SMARCA5: variants seen among roughly 807,000 people sequenced by gnomAD.
SMARCA5 encodes the protein SNF2 related chromatin remodeling ATPase 5, also known as SWI/SNF-related matrix-associated actin-dependent regulator of chromatin subfamily A member 5.
Under a neutral mutation model 140.4 loss-of-function variants are expected in SMARCA5, and 18 were observed. That is an observed-to-expected ratio of 0.13 (90% CI 0.09 to 0.19). The LOEUF (loss-of-function observed/expected upper bound fraction) is 0.19. SMARCA5 is among the 10% of genes least tolerant of loss of function. SMARCA5 has a pLI of 1.00. For missense variants in SMARCA5, 606 were observed against 1,276.8 expected, an observed-to-expected ratio of 0.47 and a Z score of 8.01; for synonymous variants, 449 against 419.6, an observed-to-expected ratio of 1.07 and a Z score of -0.86.
At chr4:143,518,104 C>A (rs1486782538) in intron 2 of SMARCA5, among the ~76,000 whole-genome samples, 1 of 151,804 alleles carries the variant, frequency 6.6e-6, no homozygotes. Flanking sequence ...TGCTAGTTAC[C>A]AAAAAAAGAA....
chr4:143,521,425 TCAGCAAA>T lies in SMARCA5; in HGVS notation c.253-2_257del. On this transcript the variant is annotated splice_acceptor_variant and splice_polypyrimidine_tract_variant and coding_sequence_variant and intron_variant, in exon 3 of 24. Transcript: ENST00000283131. LOFTEE classifies it high-confidence loss of function. ...AAAATGTATCTTAAATTTTTTTTTT[TCAGCAAA>T]CTGACCGGGCAAATAGATTCGAGTA... is the stretch of plus-strand genomic sequence containing the variant. The T allele has an allele frequency of 6.3e-7, 1 of 1,584,306 alleles. No homozygotes were observed. Among genetic ancestry groups the T allele is most frequent in the Middle Eastern group, 1.7e-4 (1 of 5,888 alleles).
rs1737774316 is a variant in SMARCA5 at position 143,557,080 on chromosome 4, G to A, written c.*3896G>A. ...TACCACAGATTCCCTTGTGTCCGGA[G>A]AGATTCCCTAGCTCTAATGACAGCT... On this transcript the variant is annotated 3_prime_UTR_variant, in exon 24 of 24. Coordinates refer to ENST00000283131, the MANE Select transcript of SMARCA5 (RefSeq NM_003601.4). 1 of 152,194 alleles carries A rather than the reference G, an allele frequency of 6.6e-6. No homozygotes were observed. 9.4% of individuals were successfully genotyped at this position (152,194 alleles called of 1,614,324 possible). A position where few individuals can be genotyped will look rare whatever the true frequency, so the allele number is the denominator to read the frequency against.
chr4:143,547,202 T>C (rs1403802025), intron 20 of SMARCA5, among the ~76,000 whole-genome samples, 183 bp from the exon 21 acceptor site: 2 of 152,298 alleles, frequency 1.3e-5, no homozygotes, highest in African/African-American at 2.4e-5. Flanking sequence ...TCAAGTATTA[T>C]GTGTTGTGTT....
chr4:143,546,658 AAAAG>A, intron 19 of SMARCA5, 114 bp from the exon 20 acceptor site: 1 of 907,346 alleles, frequency 1.1e-6, no homozygotes, highest in Non-Finnish European at 1.6e-6. Context: ...TTACCACTCT[AAAAG>A]AACTTAATAA....
intron 13 of SMARCA5, 39 bp from the exon 14 acceptor site, chr4:143,540,324 T>C (rs762390674): frequency 1.3e-6 from 2 of 1,538,396 alleles, no homozygotes; most frequent in African/African-American, 2.8e-5. Context: ...TTTATGTGAC[T>C]TTTAAACTAA....
intron 6 of SMARCA5, 71 bp from the exon 7 acceptor site, chr4:143,527,797 T>G: frequency 7.7e-7 from 1 of 1,293,332 alleles, no homozygotes; most frequent in Middle Eastern, 2.0e-4. Context: ...ATATACTAGA[T>G]TACTTGTCAT....
At chr4:143,520,029 C>T (rs1578790922) in intron 2 of SMARCA5, among the ~76,000 whole-genome samples, 1 of 152,020 alleles carries the variant, frequency 6.6e-6, no homozygotes, top group African/African-American at 2.4e-5. Context: ...CTTTAATTTC[C>T]GTTTGATTTT....
At chr4:143,550,230 T>A in intron 23 of SMARCA5, 126 bp downstream of exon 23, 1 of 365,122 alleles carries the variant, frequency 2.7e-6, no homozygotes, top group Non-Finnish European at 5.0e-6. Context: ...CTTTACTTTT[T>A]TTTTTTTTTT....
intron 16 of SMARCA5, among the ~76,000 whole-genome samples, chr4:143,544,536 G>C (rs1370784917): frequency 6.6e-6 from 1 of 152,118 alleles, no homozygotes; most frequent in Non-Finnish European, 1.5e-5. Context: ...AAGAAATACT[G>C]AATGCTTACT....
Position 143,557,316 on chromosome 4 carries a change from A to T in SMARCA5, c.*4132A>T, listed in dbSNP as rs1737779864. On this transcript the variant is annotated 3_prime_UTR_variant, in exon 24 of 24. Coordinates refer to ENST00000283131, the MANE Select transcript of SMARCA5 (RefSeq NM_003601.4). ...ACAATGTAAACACTACATTGACAAA[A>T]ATATTTTATTAATACAAAGAATATG... The T allele has an allele frequency of 6.6e-6, 1 of 152,242 alleles. No homozygotes were observed. Among genetic ancestry groups the T allele is most frequent in the Non-Finnish European group, 1.5e-5 (1 of 68,048 alleles). The allele number at this position is 152,242 out of a possible 1,614,324, so 9.4% of individuals were successfully genotyped here. A position where few individuals can be genotyped will look rare whatever the true frequency, so the allele number is the denominator to read the frequency against.
intron 22 of SMARCA5, 60 bp downstream of exon 22, chr4:143,548,200 G>T: frequency 2.0e-6 from 2 of 1,003,988 alleles, no homozygotes; most frequent in Non-Finnish European, 1.5e-6. Flanking sequence ...GTCATCTTTG[G>T]TATTCTTTAA....
intron 18 of SMARCA5, 122 bp downstream of exon 18, chr4:143,545,705 C>G (rs930984227): frequency 1.5e-5 from 12 of 778,886 alleles, no homozygotes; most frequent in Non-Finnish European, 1.9e-5. Flanking sequence ...TTAGCCTAGT[C>G]TAGTTGTATG....
rs1263145841 is a variant in SMARCA5, at chr4:143,556,229, GTATT to G, written c.*3048_*3051del. ...AAGGATTGCTCCATCTGCCCTTTGA[GTATT>G]TAATATATGCCGATTGTTTGAACTA... On this transcript the variant is annotated 3_prime_UTR_variant, in exon 24 of 24. Coordinates refer to ENST00000283131, the MANE Select transcript of SMARCA5 (RefSeq NM_003601.4). The G allele has an allele frequency of 2.0e-5, 3 of 152,126 alleles. No individual in the cohort carries two copies. Among genetic ancestry groups the G allele is most frequent in the Non-Finnish European group, 2.9e-5 (2 of 68,034 alleles). The allele number at this position is 152,126 out of a possible 1,614,324, so 9.4% of individuals were successfully genotyped here.
Position 143,554,596 on chromosome 4 carries a change from A to G in SMARCA5, c.*1412A>G, listed in dbSNP as rs1737711481. The stretch of plus-strand genomic sequence containing the variant: ...TGTGGAATTGCTGCTGTTAATGTCA[A>G]GCAAAACGCAGTATTTATGGCAAAT... On this transcript the variant is annotated 3_prime_UTR_variant, in exon 24 of 24. Transcript: ENST00000283131. The G allele has an allele frequency of 6.6e-6, 1 of 152,552 alleles. No homozygotes were observed. The highest frequency in any genetic ancestry group is 1.9e-4 in the East Asian group (1 of 5,196). The allele number at this position is 152,552 out of a possible 1,614,324, so 9.4% of individuals were successfully genotyped here.
At position 143,530,525 on chromosome 4, in the gene SMARCA5, T is replaced by C; in HGVS notation, c.1157T>C (p.Met386Thr). ...GDQKLVERLH[M>T]VLRPFLLRRI... ...CAAAAACTAGTTGAGAGGCTTCATA[T>C]GGTAAGTATTTTGGAGTAGTGTTAA... The change falls in exon 9 of 24, where the codon ATG (methionine) becomes ACG (threonine). Residue 386 changes from methionine to threonine, a missense_variant and splice_region_variant. This residue lies in a region of SMARCA5 where 15 missense variants were observed against 27.4 expected (regional missense o/e 0.55). Coordinates refer to ENST00000283131, the MANE Select transcript of SMARCA5 (RefSeq NM_003601.4). 6.2e-7 allele frequency: 1 copy of C among 1,605,242 alleles called. No individual in the cohort carries two copies. The highest frequency in any genetic ancestry group is 1.3e-5 in the African/African-American group (1 of 74,802).
chr4:143,547,810 C>G (rs1737562710), intron 21 of SMARCA5, 118 bp from the exon 22 acceptor site: 2 of 616,612 alleles, frequency 3.2e-6, no homozygotes, highest in Admixed American at 6.1e-5. Context: ...TTGAAGTGCT[C>G]TAGATAGAAA....
chr4:143,522,262 G>A (rs998604953), intron 3 of SMARCA5, among the ~76,000 whole-genome samples: 18 of 152,134 alleles, frequency 1.2e-4, no homozygotes, highest in African/African-American at 2.4e-4. Flanking sequence ...GTTGTATGCC[G>A]TCCTTTGGTG....
At chr4:143,546,685 T>A in intron 19 of SMARCA5, 91 bp from the exon 20 acceptor site, 1 of 1,224,238 alleles carries the variant, frequency 8.2e-7, no homozygotes, top group Non-Finnish European at 1.1e-6. Flanking sequence ...TAGTGAAAAT[T>A]TGTTTTTGTA....
intron 23 of SMARCA5, among the ~76,000 whole-genome samples, chr4:143,551,371 C>A (rs1578807392): frequency 6.6e-6 from 1 of 152,146 alleles, no homozygotes; most frequent in East Asian, 1.9e-4. Flanking sequence ...GATGTCTCTT[C>A]ACTTTGCTGT....
Sources: gnomAD v4.1 joint callset for allele counts (sites outside exome capture counted in the v4.1 genomes callset) on GRCh38, gnomAD v4.1.1 for gene constraint, gnomAD v4.1.1 regional missense constraint, MANE v1.5 for transcripts, NCBI Gene and HGNC (gene_info 2026-07-23, HGNC 2026-07-21) for gene names.